Variants in PCLO observed in about 807,000 individuals in gnomAD.
The protein encoded by PCLO is protein piccolo.
A neutral mutation model predicts 427.5 loss-of-function variants in PCLO; 82 were observed. The ratio of observed to expected loss-of-function variants is 0.19; its 90% CI spans 0.16 to 0.23. The LOEUF (loss-of-function observed/expected upper bound fraction) is 0.23, where lower values mean the gene tolerates loss of function less well. Among genes scored for constraint, PCLO ranks in the 10% least tolerant of loss-of-function variants. PCLO has a pLI of 1.00. For synonymous variants in PCLO, 2,357 were observed against 2,155.4 expected (o/e 1.09, Z -2.59); for missense variants, 6,239 against 6,115.9 (o/e 1.02, Z -0.67).
intron 3 of PCLO, among the ~76,000 whole-genome samples, chr7:83,090,068 G>T (rs1484830250): frequency 1.3e-5 from 2 of 152,158 alleles, no homozygotes; most frequent in Admixed American, 1.3e-4. Flanking sequence ...ACTTTGGGAG[G>T]CCGAGGTGGA....
chr7:83,057,582 C>T (rs1978173), intron 3 of PCLO, among the ~76,000 whole-genome samples: 35,289 of 149,428 alleles, frequency 0.24, 4,745 homozygotes, highest in East Asian at 0.56. Context: ...AGGATGGTCT[C>T]GATCTCCTGA....
At chr7:83,035,478 T>C (rs908227333) in intron 3 of PCLO, among the ~76,000 whole-genome samples, 1 of 152,170 alleles carries the variant, frequency 6.6e-6, no homozygotes, top group Non-Finnish European at 1.5e-5. Context: ...CAATTGGTTT[T>C]AACCTAATAA....
chr7:83,149,114 G>A (rs1291629336), intron 2 of PCLO, among the ~76,000 whole-genome samples: 1 of 152,134 alleles, frequency 6.6e-6, no homozygotes, highest in Non-Finnish European at 1.5e-5. Context: ...CCTTTCATTT[G>A]TGGATTAATC....
Position 83,037,848 on chromosome 7 carries a change from T to C in PCLO, c.3301-71361A>G, listed in dbSNP as rs1226530523. ...TCTTTTAAAATCTACATATAATGAC[T>C]GTTTTCACTGGGACCATTGAAGGAT... On this transcript the variant is annotated intron_variant, in intron 3 of 24. Transcript: ENST00000333891. Among the ~76,000 whole-genome samples, 5 of 148,490 alleles carry C rather than the reference T, an allele frequency of 3.4e-5. No homozygotes were observed. The South Asian group carries it at 1.1e-3, about 31-fold the overall frequency.
At chr7:82,859,342 A>C (rs1395342153) in intron 10 of PCLO, among the ~76,000 whole-genome samples, 1 of 152,218 alleles carries the variant, frequency 6.6e-6, no homozygotes, top group Non-Finnish European at 1.5e-5. Flanking sequence ...GTGTAGTCAC[A>C]GTGATGTTGC....
At chr7:82,971,382 G>A (rs916153903) in intron 3 of PCLO, among the ~76,000 whole-genome samples, 2 of 151,144 alleles carry the variant, frequency 1.3e-5, no homozygotes, top group African/African-American at 4.8e-5. Flanking sequence ...TATAAATATA[G>A]TAAGACAACC....
chr7:83,025,257 A>G (rs1407954725), intron 3 of PCLO, among the ~76,000 whole-genome samples: 2 of 152,000 alleles, frequency 1.3e-5, no homozygotes, highest in Admixed American at 6.6e-5. Context: ...AGAAGTGCTT[A>G]AAGGAGCTGA....
At chr7:83,024,129 G>A (rs936809071) in intron 3 of PCLO, among the ~76,000 whole-genome samples, 16 of 152,170 alleles carry the variant, frequency 1.1e-4, no homozygotes, top group Non-Finnish European at 2.1e-4. Context: ...GAACAGCTCC[G>A]GTCTACAGCT....
In PCLO at chr7:82,908,908, T is replaced by A; in HGVS notation, c.13406A>T (p.His4469Leu). 6.2e-7 allele frequency: 1 copy of A among 1,612,948 alleles called. No homozygotes were observed. Among genetic ancestry groups the A allele is most frequent in the Non-Finnish European group, 8.5e-7 (1 of 1,179,216 alleles). ...TTGATGTTGACTGAGTGGTCTAGAG[T>A]GGACCAATCTTTCCGGCAGTTTTCG... ...LDRKLPERLV[H>L]SRPLSQHQEQ... Residue 4469 changes from histidine (H) to leucine (L), a missense_variant, in exon 8 of 25, where the codon CAC becomes CTC. His to Leu is a moderately conservative substitution (Grantham distance 99). Around this residue, in one of 5 missense-constraint regions of PCLO, gnomAD observed 877 missense variants for 925.5 expected, o/e 0.95. Transcript: ENST00000333891.
intron 21 of PCLO, among the ~76,000 whole-genome samples, chr7:82,803,183 GA>G (rs796676519): frequency 3.3e-5 from 5 of 151,884 alleles, no homozygotes; most frequent in African/African-American, 1.2e-4. Flanking sequence ...CATTAGAGGG[GA>G]AAAAAAGCTT....
intron 3 of PCLO, among the ~76,000 whole-genome samples, chr7:83,065,238 T>G (rs985368687): frequency 6.6e-6 from 1 of 151,996 alleles, no homozygotes; most frequent in Non-Finnish European, 1.5e-5. Flanking sequence ...ATTTGCTCTT[T>G]TAAAATTCTT....
At chr7:82,978,248 T>C (rs1796067376) in intron 3 of PCLO, among the ~76,000 whole-genome samples, 1 of 150,130 alleles carries the variant, frequency 6.7e-6, no homozygotes, top group Non-Finnish European at 1.5e-5. Flanking sequence ...AGTTTTAAAT[T>C]AAAAAAAAAT....
chr7:83,082,345 T>C (rs1790123268), intron 3 of PCLO, among the ~76,000 whole-genome samples: 1 of 151,720 alleles, frequency 6.6e-6, no homozygotes, highest in African/African-American at 2.4e-5. Flanking sequence ...TGGATAACCA[T>C]AGATGAGAAG....
At position 82,920,856 on chromosome 7, in the gene PCLO, A is replaced by C. The variant is rs951379815; in HGVS notation, c.11113-3983T>G. Reference sequence around the variant, plus strand: ...TGAGGATGAGAAAAGAAAGATCTGTAGTTTTTTCAAATATTGAAAAACTAA... The same window carrying C: ...TGAGGATGAGAAAAGAAAGATCTGTCGTTTTTTCAAATATTGAAAAACTAA... On this transcript the variant is annotated intron_variant, in intron 6 of 24. Transcript: ENST00000333891. 4.6e-5 allele frequency among the ~76,000 whole-genome samples: 7 copies of C among 151,822 alleles called. No individual in the cohort carries two copies. In the South Asian group the frequency reaches 1.4e-3, roughly 31 times the overall value.
chr7:83,119,391 C>A (rs903200778), intron 3 of PCLO, among the ~76,000 whole-genome samples: 3 of 152,038 alleles, frequency 2.0e-5, no homozygotes, highest in African/African-American at 7.2e-5. Flanking sequence ...GTAGGAAATT[C>A]TCCTGGATAT....
At chr7:82,821,431 A>G in intron 20 of PCLO, 2 of 985,696 alleles carry the variant, frequency 2.0e-6, no homozygotes, top group Non-Finnish European at 2.4e-6. Context: ...AAATGACACC[A>G]CATGCACAGC....
chr7:82,777,308 C>T (rs142523144), intron 22 of PCLO, among the ~76,000 whole-genome samples: 1 of 152,122 alleles, frequency 6.6e-6, no homozygotes, highest in African/African-American at 2.4e-5. Context: ...GAATCAATAT[C>T]AAGAAAATGA....
intron 7 of PCLO, among the ~76,000 whole-genome samples, chr7:82,910,659 A>G (rs1184025000): frequency 1.3e-5 from 2 of 152,154 alleles, no homozygotes; most frequent in Non-Finnish European, 2.9e-5. Context: ...CATCAACTAG[A>G]AAAAGTAAAC....
chr7:83,101,699 G>A (rs1188375786), intron 3 of PCLO, among the ~76,000 whole-genome samples: 1 of 152,060 alleles, frequency 6.6e-6, no homozygotes, highest in African/African-American at 2.4e-5. Context: ...GTGCCGCAGT[G>A]GCTGAAATCT....
Sources: gnomAD v4.1 joint callset for allele counts (sites outside exome capture counted in the v4.1 genomes callset) on GRCh38, gnomAD v4.1.1 for gene constraint, gnomAD v4.1.1 regional missense constraint, MANE v1.5 for transcripts, NCBI Gene and HGNC (gene_info 2026-07-23, HGNC 2026-07-21) for gene names.